Variants in TFAP2C observed in about 807,000 individuals in gnomAD.
TFAP2C encodes the protein transcription factor AP-2 gamma.
Under a neutral mutation model 42.9 loss-of-function variants are expected in TFAP2C, and 9 were observed. The observed-to-expected ratio is 0.21, with a 90% CI of 0.13 to 0.37. TFAP2C has a LOEUF of 0.37. Ranked by LOEUF, TFAP2C falls within the 10% of genes least tolerant of loss-of-function variation. The probability of loss-of-function intolerance (pLI) is 1.00; values close to 1 mark genes in which losing one functional copy is unlikely to be tolerated. For synonymous variants in TFAP2C, 264 were observed against 256.0 expected, an observed-to-expected ratio of 1.03 and a Z score of -0.30; for missense variants, 462 against 591.7, an observed-to-expected ratio of 0.78 and a Z score of 2.27.
At chr20:56,635,991 C>T (rs984900709) in intron 5 of TFAP2C, among the ~76,000 whole-genome samples, 3 of 152,236 alleles carry the variant, frequency 2.0e-5, no homozygotes, top group African/African-American at 7.2e-5. Flanking sequence ...CATTATTTCC[C>T]CCCCGAATCT....
At position 56,634,222 on chromosome 20, in the gene TFAP2C, G is replaced by T. The variant is rs1258253286; in HGVS notation, c.876G>T (p.Gly292=). ...AGATTGGGTTGAATCTTCCGGCCGGGAGGCGGAAAGCCGCTCATGTGACTC... is the reference window on the plus strand; with the variant it reads ...AGATTGGGTTGAATCTTCCGGCCGGTAGGCGGAAAGCCGCTCATGTGACTC... ...LDKIGLNLPA[G]RRKAAHVTLL... The change falls in exon 5 of 7, where the codon GGG becomes GGT. Residue 292 remains glycine, a synonymous_variant. Transcript: ENST00000201031. 6.2e-7 allele frequency: 1 copy of T among 1,614,240 alleles called. No individual in the cohort carries two copies. Among genetic ancestry groups the T allele is most frequent in the Non-Finnish European group, 8.5e-7 (1 of 1,180,046 alleles).
Position 56,634,240 on chromosome 20 carries a change from T to C in TFAP2C, c.894T>C (p.His298=), listed in dbSNP as rs755495174. The C allele has an allele frequency of 1.2e-6, 2 of 1,613,920 alleles. No homozygotes were observed. The highest frequency in any genetic ancestry group is 2.7e-5 in the African/African-American group (2 of 74,936). The change falls in exon 5 of 7, where the codon CAT becomes CAC. Residue 298 remains histidine (H), a synonymous_variant. Transcript: ENST00000201031. ...CGGCCGGGAGGCGGAAAGCCGCTCA[T>C]GTGACTCTCCTGACATCCTTAGTAG... ...NLPAGRRKAA[H]VTLLTSLVEG...
In TFAP2C at chr20:56,634,807, C is replaced by T. The variant is rs3787377; in HGVS notation, c.922+539C>T. On this transcript the variant is annotated intron_variant, in intron 5 of 6. Coordinates refer to ENST00000201031, the MANE Select transcript of TFAP2C (RefSeq NM_003222.4). Reference sequence around the variant, plus strand: ...AAAAACTAATCGAACCCCTGGCCCACGCACAAGTTCCTCTTGCCAGTGCTA... The same window carrying T: ...AAAAACTAATCGAACCCCTGGCCCATGCACAAGTTCCTCTTGCCAGTGCTA... Among the ~76,000 whole-genome samples the T allele has an allele frequency of 1.2e-4, 18 of 152,322 alleles. No individual in the cohort carries two copies. The East Asian group carries it at 2.3e-3, about 20-fold the overall frequency.
chr20:56,637,558 G>A (rs74478756), intron 6 of TFAP2C, among the ~76,000 whole-genome samples, 170 bp from the exon 7 acceptor site: 3 of 152,344 alleles, frequency 2.0e-5, no homozygotes, highest in Middle Eastern at 3.4e-3. Flanking sequence ...AGAGCCTGGC[G>A]CAGAATAGTT....
rs781114912 is a variant in TFAP2C at position 56,631,886 on chromosome 20, T to C, written c.586+30T>C. 6.2e-7 allele frequency: 1 copy of C among 1,613,646 alleles called. No homozygotes were observed. Among genetic ancestry groups the C allele is most frequent in the East Asian group, 2.2e-5 (1 of 44,878 alleles). ...ATAGCAAGGTGGCATCGTCTAACTC[T>C]GGTCACACGATCTGGGCTTGTGAAG... On this transcript the variant is annotated intron_variant, in intron 3 of 6. Transcript: ENST00000201031. The surrounding 1 kb of genome is among the most constrained non-coding windows in gnomAD (Gnocchi z 6.1).
Position 56,631,362 on chromosome 20 carries a change from A to G in TFAP2C, c.206A>G (p.Tyr69Cys), listed in dbSNP as rs1300776431. 21 of 1,609,008 alleles carry G rather than the reference A, an allele frequency of 1.3e-5. No individual in the cohort carries two copies. The highest frequency in any genetic ancestry group is 1.8e-5 in the Non-Finnish European group (21 of 1,178,442). Reference protein sequence around the residue: ...YFPPPYQQLAYSQSADPYSHL... With the variant: ...YFPPPYQQLACSQSADPYSHL... Reference sequence around the variant, plus strand: ...CCCCCTCCCTACCAGCAGCTGGCCTACTCCCAGTCGGCCGACCCCTACTCG... The same window carrying G: ...CCCCCTCCCTACCAGCAGCTGGCCTGCTCCCAGTCGGCCGACCCCTACTCG... The change falls in exon 2 of 7, where the codon TAC (tyrosine) becomes TGC (cysteine). Residue 69 changes from tyrosine to cysteine, a missense_variant. Coordinates refer to ENST00000201031, the MANE Select transcript of TFAP2C (RefSeq NM_003222.4). This position sits in a 1 kb window ranked among gnomAD's most constrained non-coding sequence, Gnocchi z 6.1.
rs909678518 is a variant in TFAP2C, at chr20:56,630,917, C to G, written c.49-288C>G. ...CAAGACCCAGGGTTCGGACTTGGCG[C>G]CTCCAAGCGCCTCGGGCTTGGGAGC... is the stretch of plus-strand genomic sequence containing the variant. On this transcript the variant is annotated intron_variant, in intron 1 of 6. Coordinates refer to ENST00000201031, the MANE Select transcript of TFAP2C (RefSeq NM_003222.4). This position sits in a 1 kb window ranked among gnomAD's most constrained non-coding sequence, Gnocchi z 5.1. 11 of 985,314 alleles carry G rather than the reference C, an allele frequency of 1.1e-5. No individual in the cohort carries two copies. Among genetic ancestry groups the G allele is most frequent in the Admixed American group, 6.1e-5 (1 of 16,274 alleles). The allele number at this position is 985,314 out of a possible 1,614,324, so 61.0% of individuals were successfully genotyped here. A position where few individuals can be genotyped will look rare whatever the true frequency, so the allele number is the denominator to read the frequency against.
Position 56,637,924 on chromosome 20 carries a change from G to T in TFAP2C, c.1264G>T (p.Val422Phe). 1 of 1,612,942 alleles carries T rather than the reference G, an allele frequency of 6.2e-7. No individual in the cohort carries two copies. The highest frequency in any genetic ancestry group is 8.5e-7 in the Non-Finnish European group (1 of 1,178,902). Residue 422 changes from valine (V) to phenylalanine (F), a missense_variant, in exon 7 of 7, where the codon GTC (valine) becomes TTC (phenylalanine). By Grantham distance (50) the Val-to-Phe change is conservative. Coordinates refer to ENST00000201031, the MANE Select transcript of TFAP2C (RefSeq NM_003222.4). ...GAACTACATCAAAGAAGCCCTGATTGTCATAGACAAATCCTACATGAACCC... is the reference window on the plus strand; with the variant it reads ...GAACTACATCAAAGAAGCCCTGATTTTCATAGACAAATCCTACATGAACCC... ...LQNYIKEALI[V>F]IDKSYMNPGD...
Position 56,638,712 on chromosome 20 carries a change from C to T in TFAP2C, c.*699C>T, listed in dbSNP as rs191833061. 1 of 140,810 alleles carries T rather than the reference C, an allele frequency of 7.1e-6. No homozygotes were observed. Among genetic ancestry groups the T allele is most frequent in the Non-Finnish European group, 1.5e-5 (1 of 65,952 alleles). The allele number at this position is 140,810 out of a possible 1,614,324, so 8.7% of individuals were successfully genotyped here. ...GAAAGTTAACTCTTCAAATGGGAGA[C>T]TCTTTGAAATGACATGTTCCTTTAA... is the stretch of plus-strand genomic sequence containing the variant. On this transcript the variant is annotated 3_prime_UTR_variant, in exon 7 of 7. Transcript: ENST00000201031.
At chr20:56,636,525 CAAAA>C (rs74181067) in intron 5 of TFAP2C, 81 bp from the exon 6 acceptor site, 664 of 1,248,124 alleles carry the variant, frequency 5.3e-4, no homozygotes, top group Admixed American at 1.1e-3. Context: ...GACTCCGTGT[CAAAA>C]AAAAAAAAAA....
At position 56,630,666 on chromosome 20, in the gene TFAP2C, C is replaced by T. The variant is rs138840509; in HGVS notation, c.49-539C>T. 18,529 of 984,086 alleles carry T rather than the reference C, an allele frequency of 0.019. 205 individuals are homozygous for T. Among genetic ancestry groups the T allele is most frequent in the Non-Finnish European group, 0.021 (17,078 of 828,724 alleles). 61.0% of individuals were successfully genotyped at this position (984,086 alleles called of 1,614,324 possible). On this transcript the variant is annotated intron_variant, in intron 1 of 6. Transcript: ENST00000201031. This position sits in a 1 kb window ranked among gnomAD's most constrained non-coding sequence, Gnocchi z 5.1. ...CGGGCCCTGCTTTCCGAGCGCCGCCCGCTCGGAGGTCTTTGTCCCGAGGGC... is the reference window on the plus strand; with the variant it reads ...CGGGCCCTGCTTTCCGAGCGCCGCCTGCTCGGAGGTCTTTGTCCCGAGGGC...
At chr20:56,636,852 T>C in intron 6 of TFAP2C, 98 bp downstream of exon 6, 1 of 1,405,632 alleles carries the variant, frequency 7.1e-7, no homozygotes, top group Non-Finnish European at 9.6e-7. Context: ...AACAAAGAAA[T>C]ATTCTTGAAA....
intron 3 of TFAP2C, among the ~76,000 whole-genome samples, chr20:56,633,042 G>C (rs956035785): frequency 6.6e-6 from 1 of 152,056 alleles, no homozygotes; most frequent in Non-Finnish European, 1.5e-5. Context: ...TGGCTAACAT[G>C]GTGAAACTCC....
rs1275043670 is a variant in TFAP2C at position 56,638,960 on chromosome 20, A to ATTTTAATATTAAC, written c.*955_*967dup. On this transcript the variant is annotated 3_prime_UTR_variant, in exon 7 of 7. Coordinates refer to ENST00000201031, the MANE Select transcript of TFAP2C (RefSeq NM_003222.4). ...CGACTTTTTTGAGACATGGGATCCA[A>ATTTTAATATTAAC]TTTTAATATTAACTTTTAATGGTGA... The ATTTTAATATTAAC allele has an allele frequency of 6.6e-6, 1 of 152,558 alleles. No homozygotes were observed. Among genetic ancestry groups the ATTTTAATATTAAC allele is most frequent in the African/African-American group, 2.4e-5 (1 of 41,424 alleles). The allele number at this position is 152,558 out of a possible 1,614,324, so 9.5% of individuals were successfully genotyped here. A position where few individuals can be genotyped will look rare whatever the true frequency, so the allele number is the denominator to read the frequency against.
At chr20:56,633,843 T>C (rs1600898311) in intron 4 of TFAP2C, among the ~76,000 whole-genome samples, 1 of 152,214 alleles carries the variant, frequency 6.6e-6, no homozygotes, top group Non-Finnish European at 1.5e-5. Context: ...GCACCCTGGG[T>C]TTGTTCCCCA....
chr20:56,634,308 T>C lies in TFAP2C; in HGVS notation c.922+40T>C, dbSNP rs540753024. 1.4e-4 allele frequency: 198 copies of C among 1,436,126 alleles called. 2 individuals carry two copies. The Middle Eastern group carries it at 2.0e-3, about 14-fold the overall frequency. The allele number at this position is 1,436,126 out of a possible 1,614,324, so 89.0% of individuals were successfully genotyped here. A position where few individuals can be genotyped will look rare whatever the true frequency, so the allele number is the denominator to read the frequency against. Reference sequence around the variant, plus strand: ...GTTTTTGGTTCGTGATGTTTTTAATTTGTGCCTGTGTCTTTAATACTTATT... The same window carrying C: ...GTTTTTGGTTCGTGATGTTTTTAATCTGTGCCTGTGTCTTTAATACTTATT... On this transcript the variant is annotated intron_variant, in intron 5 of 6. Coordinates refer to ENST00000201031, the MANE Select transcript of TFAP2C (RefSeq NM_003222.4).
chr20:56,631,878 T>G lies in TFAP2C; in HGVS notation c.586+22T>G. ...AAAGGTAAATAGCAAGGTGGCATCG[T>G]CTAACTCTGGTCACACGATCTGGGC... On this transcript the variant is annotated intron_variant, in intron 3 of 6. Transcript: ENST00000201031. This position sits in a 1 kb window ranked among gnomAD's most constrained non-coding sequence, Gnocchi z 6.1. 1 of 1,614,054 alleles carries G rather than the reference T, an allele frequency of 6.2e-7. No individual in the cohort carries two copies. Among genetic ancestry groups the G allele is most frequent in the East Asian group, 2.2e-5 (1 of 44,890 alleles).
Position 56,631,170 on chromosome 20 carries a change from C to T in TFAP2C, c.49-35C>T. Reference sequence around the variant, plus strand: ...CAGTTCGCAGTAGCGGGGTTTCGCACTAACGGGGTCTCCTGTTTTTTTTTT... The same window carrying T: ...CAGTTCGCAGTAGCGGGGTTTCGCATTAACGGGGTCTCCTGTTTTTTTTTT... On this transcript the variant is annotated intron_variant, in intron 1 of 6. Coordinates refer to ENST00000201031, the MANE Select transcript of TFAP2C (RefSeq NM_003222.4). This position sits in a 1 kb window ranked among gnomAD's most constrained non-coding sequence, Gnocchi z 6.1. The T allele has an allele frequency of 6.7e-7, 1 of 1,487,058 alleles. No homozygotes were observed. The highest frequency in any genetic ancestry group is 8.9e-7 in the Non-Finnish European group (1 of 1,121,418). 92.1% of individuals were successfully genotyped at this position (1,487,058 alleles called of 1,614,324 possible).
At position 56,631,825 on chromosome 20, in the gene TFAP2C, G is replaced by C; in HGVS notation, c.555G>C (p.Leu185=). ...DEVQNVDDQH[L]LLHDQTVIRK... ...CCCAGAATGTCGACGACCAGCACCTGTTGCTGCACGATCAGACAGTCATTC... is the reference window on the plus strand; with the variant it reads ...CCCAGAATGTCGACGACCAGCACCTCTTGCTGCACGATCAGACAGTCATTC... The change falls in exon 3 of 7, where the codon CTG becomes CTC. Residue 185 remains leucine, a synonymous_variant. Transcript: ENST00000201031. The surrounding 1 kb of genome is among the most constrained non-coding windows in gnomAD (Gnocchi z 6.1). The C allele has an allele frequency of 6.2e-7, 1 of 1,614,208 alleles. No homozygotes were observed. The highest frequency in any genetic ancestry group is 8.5e-7 in the Non-Finnish European group (1 of 1,180,040).
Sources: allele counts gnomAD v4.1 joint callset (sites outside exome capture counted in the v4.1 genomes callset), GRCh38; gene constraint gnomAD v4.1.1; non-coding constraint Gnocchi (gnomAD v3.1); transcripts MANE v1.5; gene names NCBI Gene and HGNC (gene_info 2026-07-23, HGNC 2026-07-21).